Variants in HEBP1 observed in about 807,000 individuals in gnomAD.
The protein encoded by HEBP1 is heme binding protein 1, also known as heme-binding protein 1.
In HEBP1, 13 loss-of-function variants were observed where a neutral mutation model predicts 20.4. That is an observed-to-expected ratio of 0.64 (90% CI 0.42 to 1.01). The LOEUF (loss-of-function observed/expected upper bound fraction) is 1.01, where lower values mean the gene tolerates loss of function less well. Ranked by LOEUF, HEBP1 falls within the 50% of genes least tolerant of loss-of-function variation. HEBP1 has a pLI of 0.00. For synonymous variants in HEBP1, 92 were observed against 90.7 expected (o/e 1.01, Z -0.08); for missense variants, 241 against 247.3 (o/e 0.97, Z 0.17).
rs1478918539 is a variant in HEBP1 at position 12,983,532 on chromosome 12, TA to T, written c.398+3619del. ...TGATAGAGTACTTTTGCATTTGAAGTAGTACATTTGCCTTCTACCATCTCAT... is the reference window on the plus strand; with the variant it reads ...TGATAGAGTACTTTTGCATTTGAAGTGTACATTTGCCTTCTACCATCTCAT... On this transcript the variant is annotated intron_variant, in intron 3 of 3. Coordinates refer to ENST00000014930, the MANE Select transcript of HEBP1 (RefSeq NM_015987.5). 2.0e-5 allele frequency: 7 copies of T among 354,252 alleles called. No individual in the cohort carries two copies. In the Admixed American group the frequency reaches 2.5e-4, roughly 13 times the overall value. 21.9% of individuals were successfully genotyped at this position (354,252 alleles called of 1,614,324 possible).
Position 12,975,108 on chromosome 12 carries a change from C to T in HEBP1, c.*200G>A. On this transcript the variant is annotated 3_prime_UTR_variant, in exon 4 of 4. Transcript: ENST00000014930. ...ATGAGAAGGATGCTGCATATCTTGGCTGTATTATTTCCTACTGTGAGAAAA... is the reference window on the plus strand; with the variant it reads ...ATGAGAAGGATGCTGCATATCTTGGTTGTATTATTTCCTACTGTGAGAAAA... 1 of 493,440 alleles carries T rather than the reference C, an allele frequency of 2.0e-6. No homozygotes were observed. The highest frequency in any genetic ancestry group is 3.6e-6 in the Non-Finnish European group (1 of 280,452). The allele number at this position is 493,440 out of a possible 1,614,324, so 30.6% of individuals were successfully genotyped here. A position where few individuals can be genotyped will look rare whatever the true frequency, so the allele number is the denominator to read the frequency against.
intron 1 of HEBP1, among the ~76,000 whole-genome samples, chr12:12,997,344 A>G (rs1444203168): frequency 2.0e-5 from 3 of 152,218 alleles, no homozygotes; most frequent in Non-Finnish European, 2.9e-5. Flanking sequence ...GGTTGCACAG[A>G]TAACAGAGGG....
chr12:12,993,021 G>C (rs850948), intron 1 of HEBP1, among the ~76,000 whole-genome samples: 42,752 of 151,960 alleles, frequency 0.28, 6,923 homozygotes, highest in East Asian at 0.6. Context: ...TCGTTGCAAG[G>C]TTCTCTAAAG....
In HEBP1 at chr12:12,993,486, CCTCTCTCT is replaced by C. The variant is rs113869518; in HGVS notation, c.79-4079_79-4072del. On this transcript the variant is annotated intron_variant, in intron 1 of 3. Transcript: ENST00000014930. ...TCTTTGCTTTTTTTTTTTTTCTTTT[CCTCTCTCT>C]CTCTCTCTCTCTCTCTCTCTCTCTT... 3.3e-4 allele frequency among the ~76,000 whole-genome samples: 45 copies of C among 134,910 alleles called. 1 individual carries two copies. Among genetic ancestry groups the C allele is most frequent in the Admixed American group, 1.1e-3 (15 of 13,434 alleles). 88.5% of individuals were successfully genotyped at this position (134,910 alleles called of 152,430 possible). A position where few individuals can be genotyped will look rare whatever the true frequency, so the allele number is the denominator to read the frequency against.
chr12:12,989,165 A>G, intron 2 of HEBP1, 112 bp downstream of exon 2: 1 of 1,157,394 alleles, frequency 8.6e-7, no homozygotes, highest in Non-Finnish European at 1.3e-6. Flanking sequence ...AGGTCATTGA[A>G]ACAGGTCACT....
At chr12:12,984,890 G>A (rs1472861140) in intron 3 of HEBP1, among the ~76,000 whole-genome samples, 1 of 152,148 alleles carries the variant, frequency 6.6e-6, no homozygotes, top group African/African-American at 2.4e-5. Context: ...GGTGGCTCAC[G>A]CCTGTAATCC....
intron 1 of HEBP1, among the ~76,000 whole-genome samples, chr12:12,990,956 C>T (rs1002597028): frequency 6.6e-6 from 1 of 152,140 alleles, no homozygotes; most frequent in African/African-American, 2.4e-5. Flanking sequence ...TAACTTGGCA[C>T]CCCCCATGAT....
intron 3 of HEBP1, chr12:12,979,323 T>C (rs186036090): frequency 6.6e-6 from 1 of 152,492 alleles, no homozygotes; most frequent in Non-Finnish European, 1.5e-5. Context: ...TATTGCTTCA[T>C]CGTAGAATCC....
At chr12:12,988,188 T>C (rs948939947) in intron 2 of HEBP1, among the ~76,000 whole-genome samples, 1 of 152,192 alleles carries the variant, frequency 6.6e-6, no homozygotes, top group African/African-American at 2.4e-5. Flanking sequence ...TAAGATTACA[T>C]TAAAAAGCCC....
rs1864337361 is a variant in HEBP1, at chr12:13,000,192, C to CGGCGACAG, written c.-79_-78insCTGTCGCC. 5 of 585,244 alleles carry CGGCGACAG rather than the reference C, an allele frequency of 8.5e-6. No individual in the cohort carries two copies. In the African/African-American group the frequency reaches 9.8e-5, roughly 11 times the overall value. The allele number at this position is 585,244 out of a possible 1,614,324, so 36.3% of individuals were successfully genotyped here. The stretch of plus-strand genomic sequence containing the variant: ...ACGGAGCACCACGGGCAGCGACCAC[C>CGGCGACAG]GGCGGCAGGGCGGCAGGGCGGCAGG... On this transcript the variant is annotated 5_prime_UTR_variant, in exon 1 of 4. Transcript: ENST00000014930.
Position 12,989,283 on chromosome 12 carries a change from C to A in HEBP1, c.211G>T (p.Asp71Tyr), listed in dbSNP as rs746306932. The A allele has an allele frequency of 1.7e-5, 27 of 1,613,930 alleles. 1 individual carries two copies. The South Asian group carries it at 2.2e-4, about 13-fold the overall frequency. Reference sequence around the variant, plus strand: ...ATCCTGCAGGGGTACTCACCCTTGTCATTGGTGCCCCCCGCATACTTTGCG... The same window carrying A: ...ATCCTGCAGGGGTACTCACCCTTGTAATTGGTGCCCCCCGCATACTTTGCG... ...KVAKYAGGTN[D>Y]KGIGMGMTVP... is the part of the protein sequence containing the mutation. The change falls in exon 2 of 4, where the codon GAC becomes TAC. Residue 71 changes from aspartate (D) to tyrosine (Y), a missense_variant. Physicochemically the swap from Asp to Tyr is radical, Grantham distance 160 (BLOSUM62 -3). Coordinates refer to ENST00000014930, the MANE Select transcript of HEBP1 (RefSeq NM_015987.5).
chr12:12,998,669 C>G lies in HEBP1; in HGVS notation c.78+1368G>C, dbSNP rs950488117. Among the ~76,000 whole-genome samples the G allele has an allele frequency of 1.3e-5, 2 of 152,208 alleles. No homozygotes were observed. The highest frequency in any genetic ancestry group is 2.9e-5 in the Non-Finnish European group (2 of 68,040). ...GTTCAGATTAGAGTCTAATTGAGGGCTTTCGTGATATGAAGATCATTGTAC... is the reference window on the plus strand; with the variant it reads ...GTTCAGATTAGAGTCTAATTGAGGGGTTTCGTGATATGAAGATCATTGTAC... On this transcript the variant is annotated intron_variant, in intron 1 of 3. Transcript: ENST00000014930. This position sits in a 1 kb window ranked among gnomAD's most constrained non-coding sequence, Gnocchi z 4.2.
chr12:12,993,982 C>T (rs850943), intron 1 of HEBP1, among the ~76,000 whole-genome samples: 108,009 of 152,096 alleles, frequency 0.71, 40,905 homozygotes, highest in East Asian at 0.97. Flanking sequence ...ATCACCCAAC[C>T]GGACGTTCAG....
chr12:12,994,811 A>C (rs979034518), intron 1 of HEBP1, among the ~76,000 whole-genome samples: 6 of 152,186 alleles, frequency 3.9e-5, no homozygotes, highest in Non-Finnish European at 8.8e-5. Context: ...GGGGACTGGC[A>C]TAGAGGCGTA....
intron 3 of HEBP1, among the ~76,000 whole-genome samples, chr12:12,981,095 T>G (rs1864076081): frequency 6.6e-6 from 1 of 152,128 alleles, no homozygotes; most frequent in South Asian, 2.1e-4. Flanking sequence ...AAGACCTGTG[T>G]AGATGGAAGG....
At chr12:12,980,907 C>A (rs954308312) in intron 3 of HEBP1, among the ~76,000 whole-genome samples, 2 of 152,258 alleles carry the variant, frequency 1.3e-5, no homozygotes, top group South Asian at 4.1e-4. Flanking sequence ...GTTGGATGGG[C>A]CTGAGGCCCC....
rs574575895 is a variant in HEBP1, at chr12:12,976,088, A to AAAAC, written c.399-610_399-609insGTTT. The stretch of plus-strand genomic sequence containing the variant: ...ACAAGACCCTGTGTCAAAAAAAAAA[A>AAAAC]AAAAAAAAAAACAAACCAAAAACCA... On this transcript the variant is annotated intron_variant, in intron 3 of 3. Coordinates refer to ENST00000014930, the MANE Select transcript of HEBP1 (RefSeq NM_015987.5). 2.4e-3 allele frequency among the ~76,000 whole-genome samples: 371 copies of AAAAC among 151,628 alleles called. 1 individual carries two copies. Among genetic ancestry groups the AAAAC allele is most frequent in the African/African-American group, 8.5e-3 (350 of 41,368 alleles).
At chr12:12,982,479 A>C (rs1412381014) in intron 3 of HEBP1, among the ~76,000 whole-genome samples, 1 of 151,932 alleles carries the variant, frequency 6.6e-6, no homozygotes, top group African/African-American at 2.4e-5. Flanking sequence ...TAATGTGGGA[A>C]CCCCCTAAGA....
rs1270620160 is a variant in HEBP1, at chr12:12,993,656, C to A, written c.79-4241G>T. Among the ~76,000 whole-genome samples, 5 of 152,130 alleles carry A rather than the reference C, an allele frequency of 3.3e-5. No homozygotes were observed. The South Asian group carries it at 6.2e-4, about 19-fold the overall frequency. ...CAGAAGTCATTTTACGCAGTTACTT[C>A]TTTTACAAATGGGAAGACCAAAAAC... On this transcript the variant is annotated intron_variant, in intron 1 of 3. Transcript: ENST00000014930.
Sources: allele counts gnomAD v4.1 joint callset (sites outside exome capture counted in the v4.1 genomes callset), GRCh38; gene constraint gnomAD v4.1.1; non-coding constraint Gnocchi (gnomAD v3.1); transcripts MANE v1.5; gene names NCBI Gene and HGNC (gene_info 2026-07-23, HGNC 2026-07-21).